HS2ST1: variants seen among roughly 807,000 people sequenced by gnomAD.
The protein encoded by HS2ST1 is heparan sulfate 2-O-sulfotransferase 1.
A neutral mutation model predicts 42.9 loss-of-function variants in HS2ST1; 18 were observed. The ratio of observed to expected loss-of-function variants is 0.42; its 90% confidence interval spans 0.29 to 0.62. The LOEUF is 0.62. HS2ST1 is among the 20% of genes least tolerant of loss of function. HS2ST1 has a pLI of 0.21. For synonymous variants in HS2ST1, 146 were observed against 152.9 expected (o/e 0.95, Z 0.33); for missense variants, 334 against 433.8 (o/e 0.77, Z 2.04).
chr1:86,965,391 G>C (rs1330755005), intron 1 of HS2ST1, among the ~76,000 whole-genome samples: 2 of 152,060 alleles, frequency 1.3e-5, no homozygotes, highest in African/African-American at 4.8e-5. Flanking sequence ...TAAGGTACTA[G>C]GGCATCTTAT....
chr1:87,027,862 T>C (rs1189990382), intron 1 of HS2ST1, among the ~76,000 whole-genome samples: 1 of 152,202 alleles, frequency 6.6e-6, no homozygotes, highest in Non-Finnish European at 1.5e-5. Context: ...CTGATTTTTG[T>C]ATTTTTTAAT....
At chr1:87,065,643 A>G (rs971341998) in intron 1 of HS2ST1, among the ~76,000 whole-genome samples, 4 of 152,108 alleles carry the variant, frequency 2.6e-5, no homozygotes, top group Non-Finnish European at 5.9e-5. Flanking sequence ...AGAGAGCATA[A>G]TTTTCTCATC....
rs1273940133 is a variant in HS2ST1, at chr1:86,916,937, T to G, written c.124+1777T>G. Reference sequence around the variant, plus strand: ...CCTAACATTTCTTTCCCCATATACTTGAAAATTGCTTCCATAGACACAATC... The same window carrying G: ...CCTAACATTTCTTTCCCCATATACTGGAAAATTGCTTCCATAGACACAATC... On this transcript the variant is annotated intron_variant, in intron 1 of 6. Transcript: ENST00000370550. Among the ~76,000 whole-genome samples the G allele has an allele frequency of 2.0e-5, 3 of 152,318 alleles. No individual in the cohort carries two copies. In the East Asian group the frequency reaches 5.8e-4, roughly 29 times the overall value.
intron 1 of HS2ST1, among the ~76,000 whole-genome samples, chr1:86,918,752 A>G (rs1660223315): frequency 6.6e-6 from 1 of 152,108 alleles, no homozygotes; most frequent in Non-Finnish European, 1.5e-5. Flanking sequence ...CTAGAAGATA[A>G]TCAGCTTTTA....
At chr1:87,031,716 G>C (rs895846996) in intron 1 of HS2ST1, among the ~76,000 whole-genome samples, 1 of 152,094 alleles carries the variant, frequency 6.6e-6, no homozygotes, top group Non-Finnish European at 1.5e-5. Flanking sequence ...TAAATTCTGC[G>C]ACTGAATATA....
chr1:87,051,789 T>C (rs1650838774), intron 1 of HS2ST1, among the ~76,000 whole-genome samples: 1 of 152,192 alleles, frequency 6.6e-6, no homozygotes. Context: ...AATGGTTCTT[T>C]TTTGTTACAC....
At chr1:86,952,385 G>A (rs1647547364) in intron 1 of HS2ST1, among the ~76,000 whole-genome samples, 1 of 151,914 alleles carries the variant, frequency 6.6e-6, no homozygotes, top group Non-Finnish European at 1.5e-5. Context: ...TTACAGGCAC[G>A]TACCACCACG....
At chr1:86,968,016 C>T (rs1648098420) in intron 1 of HS2ST1, among the ~76,000 whole-genome samples, 1 of 152,074 alleles carries the variant, frequency 6.6e-6, no homozygotes, top group Admixed American at 6.5e-5. Context: ...TATCTCATTG[C>T]GGTGTTAATT....
intron 1 of HS2ST1, among the ~76,000 whole-genome samples, chr1:87,049,594 T>C (rs1049306849): frequency 6.6e-6 from 1 of 152,120 alleles, no homozygotes; most frequent in Non-Finnish European, 1.5e-5. Flanking sequence ...TTTCTGTTAT[T>C]TTAAATTTAA....
chr1:87,005,762 CTCAG>C (rs906313062), intron 1 of HS2ST1, among the ~76,000 whole-genome samples: 54 of 152,226 alleles, frequency 3.5e-4, no homozygotes, highest in African/African-American at 1.3e-3. Flanking sequence ...CCTTGTTCTC[CTCAG>C]TCATATTACC....
rs565481974 is a variant in HS2ST1 at position 87,069,885 on chromosome 1, C to T, written c.125-3049C>T. ...AAACATATTTGTTTCATGGCCCTGCCGGAGGTGTAGCAAAGTTGATGAGGT... is the reference window on the plus strand; with the variant it reads ...AAACATATTTGTTTCATGGCCCTGCTGGAGGTGTAGCAAAGTTGATGAGGT... On this transcript the variant is annotated intron_variant, in intron 1 of 6. Coordinates refer to ENST00000370550, the MANE Select transcript of HS2ST1 (RefSeq NM_012262.4). Among the ~76,000 whole-genome samples, 159 of 152,188 alleles carry T rather than the reference C, an allele frequency of 1.0e-3. 1 individual carries two copies. The highest frequency in any genetic ancestry group is 3.5e-3 in the African/African-American group (145 of 41,516).
In HS2ST1 at chr1:87,101,151, TTTTTG is replaced by T. The variant is rs1189477215; in HGVS notation, c.687-2276_687-2272del. ...ATCACTTTTGTGTGTGTGTGTGTGT[TTTTTG>T]TTTTTTTTTTTTTTTTTTTTTTTTT... On this transcript the variant is annotated intron_variant, in intron 5 of 6. Coordinates refer to ENST00000370550, the MANE Select transcript of HS2ST1 (RefSeq NM_012262.4). Among the ~76,000 whole-genome samples, 201 of 76,426 alleles carry T rather than the reference TTTTTG, an allele frequency of 2.6e-3. 35 individuals are homozygous for T. Among genetic ancestry groups the T allele is most frequent in the African/African-American group, 0.011 (189 of 16,846 alleles). The allele number at this position is 76,426 out of a possible 152,430, so 50.1% of individuals were successfully genotyped here.
At chr1:86,970,318 G>A (rs975338155) in intron 1 of HS2ST1, among the ~76,000 whole-genome samples, 1 of 152,066 alleles carries the variant, frequency 6.6e-6, no homozygotes, top group African/African-American at 2.4e-5. Context: ...TCCACAAGAA[G>A]TATAGGTCAG....
intron 1 of HS2ST1, among the ~76,000 whole-genome samples, chr1:87,005,062 G>A (rs1649394909): frequency 6.6e-6 from 1 of 152,160 alleles, no homozygotes. Flanking sequence ...CAGGATGGCA[G>A]TTGCATGTTT....
At chr1:86,990,939 CA>C (rs1279239630) in intron 1 of HS2ST1, among the ~76,000 whole-genome samples, 2 of 147,022 alleles carry the variant, frequency 1.4e-5, no homozygotes, top group Non-Finnish European at 3.0e-5. Flanking sequence ...CTGGGCCTCC[CA>C]AAGTGCTGGG....
Position 87,067,087 on chromosome 1 carries a change from A to G in HS2ST1, c.125-5847A>G, listed in dbSNP as rs567793433. ...TTTATAATCCTTTGGGTATATACCC[A>G]GTAATGGGATTGCTGGGTCAAATGG... On this transcript the variant is annotated intron_variant, in intron 1 of 6. Transcript: ENST00000370550. Among the ~76,000 whole-genome samples the G allele has an allele frequency of 6.6e-5, 10 of 152,340 alleles. No individual in the cohort carries two copies. In the South Asian group the frequency reaches 2.1e-3, roughly 32 times the overall value.
At chr1:86,933,785 C>T (rs1269056774) in intron 1 of HS2ST1, among the ~76,000 whole-genome samples, 3 of 149,816 alleles carry the variant, frequency 2.0e-5, no homozygotes, top group African/African-American at 7.4e-5. Context: ...TTAGTGTGGC[C>T]TAGAGGCCTA....
At chr1:86,953,902 G>A (rs973434527) in intron 1 of HS2ST1, among the ~76,000 whole-genome samples, 1 of 152,000 alleles carries the variant, frequency 6.6e-6, no homozygotes, top group Non-Finnish European at 1.5e-5. Context: ...CTGAGCAGAG[G>A]GGGGAAAATG....
intron 1 of HS2ST1, among the ~76,000 whole-genome samples, chr1:87,008,812 C>T (rs1649512123): frequency 6.6e-6 from 1 of 152,038 alleles, no homozygotes; most frequent in East Asian, 2.0e-4. Flanking sequence ...TACCAAGCTA[C>T]GAAATTCAGA....
Sources: gnomAD v4.1 joint callset for allele counts (sites outside exome capture counted in the v4.1 genomes callset) on GRCh38, gnomAD v4.1.1 for gene constraint, MANE v1.5 for transcripts, NCBI Gene and HGNC (gene_info 2026-07-23, HGNC 2026-07-21) for gene names.